The following PACRG variants were observed in gnomAD, a reference collection of about 807,000 sequenced individuals.
PACRG encodes the protein parkin coregulated gene protein.
PACRG carries 29 observed loss-of-function variants against 29.7 expected under a neutral mutation model. That is an observed-to-expected ratio of 0.98 (90% CI 0.73 to 1.33). The LOEUF (loss-of-function observed/expected upper bound fraction) is 1.33, where lower values mean the gene tolerates loss of function less well. Ranked by LOEUF, PACRG falls within the 40% of genes most tolerant of loss-of-function variation. The pLI, the probability that PACRG is intolerant of heterozygous loss-of-function variation, is 0.00. For synonymous variants in PACRG, 116 were observed against 118.7 expected, an observed-to-expected ratio of 0.98 and a Z score of 0.15; for missense variants, 279 against 316.2, an observed-to-expected ratio of 0.88 and a Z score of 0.89.
intron 2 of PACRG, among the ~76,000 whole-genome samples, chr6:162,985,859 T>A (rs1263484860): frequency 6.6e-6 from 1 of 152,072 alleles, no homozygotes; most frequent in Admixed American, 6.6e-5. Flanking sequence ...TCAGCAAAGC[T>A]TCAGGATGCA....
At chr6:163,027,431 A>C (rs1476882525) in intron 2 of PACRG, among the ~76,000 whole-genome samples, 1 of 152,224 alleles carries the variant, frequency 6.6e-6, no homozygotes, top group Non-Finnish European at 1.5e-5. Context: ...TTTCTCTCTT[A>C]AAATTGCTGT....
At chr6:163,263,852 C>T (rs1167166916) in intron 4 of PACRG, among the ~76,000 whole-genome samples, 2 of 152,088 alleles carry the variant, frequency 1.3e-5, no homozygotes, top group African/African-American at 2.4e-5. Context: ...AGAAGCCTGA[C>T]GTTACTTTAA....
At chr6:162,749,189 C>T (rs905514006) in intron 1 of PACRG, among the ~76,000 whole-genome samples, 12 of 152,132 alleles carry the variant, frequency 7.9e-5, no homozygotes. Context: ...TGGGTGGTGT[C>T]CAGTGCATGA....
intron 2 of PACRG, among the ~76,000 whole-genome samples, chr6:162,966,415 A>G (rs1801022488): frequency 6.6e-6 from 1 of 151,918 alleles, no homozygotes; most frequent in African/African-American, 2.4e-5. Flanking sequence ...GCTGACACAC[A>G]GTAGTCACTC....
At chr6:162,978,699 T>C (rs1802162991) in intron 2 of PACRG, among the ~76,000 whole-genome samples, 1 of 152,148 alleles carries the variant, frequency 6.6e-6, no homozygotes, top group African/African-American at 2.4e-5. Context: ...AAGAGAAGTC[T>C]AGAAATGACA....
intron 2 of PACRG, among the ~76,000 whole-genome samples, chr6:162,928,850 T>C (rs534653715): frequency 6.6e-6 from 1 of 151,968 alleles, no homozygotes; most frequent in South Asian, 2.1e-4. Context: ...CTCCTACATA[T>C]AAGTGAGAAT....
intron 2 of PACRG, among the ~76,000 whole-genome samples, chr6:162,961,944 C>T (rs114946334): frequency 1.4e-4 from 22 of 152,334 alleles, no homozygotes; most frequent in East Asian, 3.9e-4. Flanking sequence ...CCTTAGTAAA[C>T]GGTTAGTGCT....
At chr6:162,903,716 A>G (rs1795732536) in intron 2 of PACRG, among the ~76,000 whole-genome samples, 1 of 152,156 alleles carries the variant, frequency 6.6e-6, no homozygotes, top group African/African-American at 2.4e-5. Context: ...GCCAAACCGT[A>G]TCAGGGAATA....
At chr6:163,184,385 C>T (rs1016830328) in intron 4 of PACRG, among the ~76,000 whole-genome samples, 2 of 152,150 alleles carry the variant, frequency 1.3e-5, no homozygotes, top group Admixed American at 6.5e-5. Flanking sequence ...TCCATACTAG[C>T]TCAGTAACAC....
intron 2 of PACRG, among the ~76,000 whole-genome samples, chr6:162,945,737 A>T (rs1478583756): frequency 1.3e-5 from 2 of 152,140 alleles, no homozygotes; most frequent in Non-Finnish European, 2.9e-5. Flanking sequence ...AGGATAGTTC[A>T]TATGTTAAAC....
At chr6:163,305,945 A>G (rs550286675) in intron 4 of PACRG, among the ~76,000 whole-genome samples, 169 of 152,212 alleles carry the variant, frequency 1.1e-3, no homozygotes, top group African/African-American at 3.9e-3. Flanking sequence ...TCTCGCTGTG[A>G]TGACATGTGA....
intron 2 of PACRG, among the ~76,000 whole-genome samples, chr6:162,987,621 T>C (rs1803017582): frequency 6.6e-6 from 1 of 152,130 alleles, no homozygotes; most frequent in Non-Finnish European, 1.5e-5. Flanking sequence ...CCTTCCGCCA[T>C]GATTATGAAG....
chr6:162,820,219 C>T (rs1434220211), intron 2 of PACRG, among the ~76,000 whole-genome samples: 1 of 152,212 alleles, frequency 6.6e-6, no homozygotes, highest in Non-Finnish European at 1.5e-5. Context: ...ATAATTTCCA[C>T]TGATGGTGTC....
At chr6:162,736,515 G>T (rs1328028421) in intron 1 of PACRG, among the ~76,000 whole-genome samples, 1 of 152,096 alleles carries the variant, frequency 6.6e-6, no homozygotes, top group Non-Finnish European at 1.5e-5. Flanking sequence ...ACCTGAGAGG[G>T]TCTGAGTCCA....
intron 2 of PACRG, among the ~76,000 whole-genome samples, chr6:162,870,724 CA>C (rs1792733708): frequency 6.6e-6 from 1 of 152,154 alleles, no homozygotes; most frequent in African/African-American, 2.4e-5. Flanking sequence ...GAAATAAAGC[CA>C]CCACAACTGA....
At chr6:163,148,524 A>G (rs1777896915) in intron 4 of PACRG, among the ~76,000 whole-genome samples, 1 of 152,152 alleles carries the variant, frequency 6.6e-6, no homozygotes, top group Non-Finnish European at 1.5e-5. Context: ...TTGAGAACAC[A>G]CTGCTTTATG....
At chr6:163,179,135 C>G (rs2128352266) in intron 4 of PACRG, 1 of 448,542 alleles carries the variant, frequency 2.2e-6, no homozygotes, top group South Asian at 1.6e-5. Flanking sequence ...TGGGCATGGA[C>G]CGTGGTTTTA....
chr6:163,188,662 C>T (rs1377687364), intron 4 of PACRG, among the ~76,000 whole-genome samples: 1 of 152,170 alleles, frequency 6.6e-6, no homozygotes, highest in Admixed American at 6.5e-5. Context: ...ATTTTAGTGG[C>T]CTTTCTCACA....
chr6:163,115,197 G>A (rs924010874), intron 4 of PACRG, among the ~76,000 whole-genome samples: 1 of 152,038 alleles, frequency 6.6e-6, no homozygotes, highest in Admixed American at 6.6e-5. Flanking sequence ...GAGTTCCAGA[G>A]ACACATGAAT....
Sources: gnomAD v4.1 joint callset for allele counts (sites outside exome capture counted in the v4.1 genomes callset) on GRCh38, gnomAD v4.1.1 for gene constraint, MANE v1.5 for transcripts, NCBI Gene and HGNC (gene_info 2026-07-23, HGNC 2026-07-21) for gene names.